The following DGKB variants were observed in gnomAD, a reference collection of about 807,000 sequenced individuals.
DGKB encodes 90 kDa diacylglycerol kinase.
DGKB carries 67 observed loss-of-function variants against 114.3 expected under a neutral mutation model. The ratio of observed to expected loss-of-function variants is 0.59; its 90% CI spans 0.48 to 0.72. The LOEUF (loss-of-function observed/expected upper bound fraction) is 0.72, where lower values mean the gene tolerates loss of function less well. Among genes scored for constraint, DGKB ranks in the 30% least tolerant of loss-of-function variants. The probability of loss-of-function intolerance (pLI) is 0.00; values close to 1 mark genes in which losing one functional copy is unlikely to be tolerated. For missense variants in DGKB, 907 were observed against 975.2 expected (o/e 0.93, Z 0.93); for synonymous variants, 398 against 323.1 (o/e 1.23, Z -2.49).
At chr7:14,583,196 T>C (rs975199066) in intron 17 of DGKB, 59 bp from the exon 18 acceptor site, 3 of 1,018,436 alleles carry the variant, frequency 2.9e-6, no homozygotes, top group Middle Eastern at 2.1e-4. Context: ...ATGTTTTCAG[T>C]TTTGTATCAT....
At chr7:14,243,427 T>G (rs1793972891) in intron 23 of DGKB, among the ~76,000 whole-genome samples, 2 of 152,236 alleles carry the variant, frequency 1.3e-5, no homozygotes, top group African/African-American at 4.8e-5. Context: ...AAAAAATTCC[T>G]AGAACCATAT....
At chr7:14,868,843 G>A (rs1239016511) in intron 1 of DGKB, among the ~76,000 whole-genome samples, 1 of 152,048 alleles carries the variant, frequency 6.6e-6, no homozygotes, top group Non-Finnish European at 1.5e-5. Context: ...AGCAGATTCT[G>A]TTGCATATTT....
At chr7:14,623,657 G>C (rs1240613389) in intron 14 of DGKB, among the ~76,000 whole-genome samples, 2 of 152,120 alleles carry the variant, frequency 1.3e-5, no homozygotes, top group African/African-American at 4.8e-5. Flanking sequence ...GTGTGTGGCT[G>C]AAAATGGATG....
At chr7:14,162,411 T>TGATAAA (rs1784038467) in intron 25 of DGKB, among the ~76,000 whole-genome samples, 1 of 152,294 alleles carries the variant, frequency 6.6e-6, no homozygotes, top group South Asian at 2.1e-4. Context: ...GATAAGTACA[T>TGATAAA]ACAGTTTTAT....
intron 5 of DGKB, among the ~76,000 whole-genome samples, chr7:14,728,058 A>T (rs947144349): frequency 6.6e-6 from 1 of 152,170 alleles, no homozygotes; most frequent in African/African-American, 2.4e-5. Flanking sequence ...ACTCAAATGC[A>T]CAGAAAACAT....
chr7:14,237,731 A>G (rs751741598), intron 23 of DGKB, among the ~76,000 whole-genome samples: 7 of 151,998 alleles, frequency 4.6e-5, no homozygotes, highest in Non-Finnish European at 1.0e-4. Flanking sequence ...GCTAAAATGC[A>G]TTGTTATCTT....
intron 20 of DGKB, among the ~76,000 whole-genome samples, chr7:14,552,723 T>C (rs959945470): frequency 2.5e-4 from 38 of 152,236 alleles, no homozygotes; most frequent in African/African-American, 8.2e-4. Context: ...GGAATCTGTT[T>C]TCCTTTCTCT....
chr7:14,425,538 A>G (rs1563157866), intron 21 of DGKB, among the ~76,000 whole-genome samples: 1 of 152,182 alleles, frequency 6.6e-6, no homozygotes, highest in African/African-American at 2.4e-5. Context: ...ACCTCAAGCT[A>G]CTACTGGAAC....
intron 23 of DGKB, among the ~76,000 whole-genome samples, chr7:14,291,141 T>C (rs1168214298): frequency 1.1e-4 from 1 of 8,772 alleles, no homozygotes; most frequent in African/African-American, 1.1e-3. Flanking sequence ...AAACTCCGTC[T>C]CAAAAAAAAA....
At chr7:14,738,374 A>G (rs545960944) in intron 4 of DGKB, among the ~76,000 whole-genome samples, 9 of 152,212 alleles carry the variant, frequency 5.9e-5, no homozygotes, top group African/African-American at 1.4e-4. Context: ...GTTTAGCAAC[A>G]TAACAGATGA....
chr7:14,243,835 C>T (rs1408248523), intron 23 of DGKB, among the ~76,000 whole-genome samples: 2 of 151,682 alleles, frequency 1.3e-5, no homozygotes, highest in Admixed American at 6.5e-5. Flanking sequence ...TCTATTTCTA[C>T]AGCCATTGTC....
At chr7:14,772,131 C>T (rs1837513778) in intron 2 of DGKB, among the ~76,000 whole-genome samples, 1 of 152,068 alleles carries the variant, frequency 6.6e-6, no homozygotes, top group Non-Finnish European at 1.5e-5. Flanking sequence ...CTCATGCCTC[C>T]CTAAAAATAT....
In DGKB at chr7:14,685,289, A is replaced by G; in HGVS notation, c.785T>C (p.Leu262Pro). The G allele has an allele frequency of 6.2e-7, 1 of 1,613,868 alleles. No individual in the cohort carries two copies. The highest frequency in any genetic ancestry group is 8.5e-7 in the Non-Finnish European group (1 of 1,179,772). ...FNKPAYCNLC[L>P]NMLIGVGKQG... ...CTTCCCCACGCCAATCAGCATGTTC[A>G]GGCAAAGGTTGCAATAGGCAGGTTT... The change falls in exon 10 of 26, where the codon CTG (leucine) becomes CCG (proline). Residue 262 changes from leucine to proline, a missense_variant. This residue lies in a region of DGKB where 814 missense variants were observed against 856.6 expected (regional missense o/e 0.95). Coordinates refer to ENST00000402815, the MANE Select transcript of DGKB (RefSeq NM_001350709.2).
intron 21 of DGKB, among the ~76,000 whole-genome samples, chr7:14,452,194 T>C (rs1164310914): frequency 1.3e-5 from 2 of 151,996 alleles, no homozygotes; most frequent in East Asian, 3.9e-4. Context: ...CAAGAGCAAA[T>C]AAAATAATTT....
At chr7:14,878,349 C>A (rs1853631133) in intron 1 of DGKB, among the ~76,000 whole-genome samples, 2 of 152,166 alleles carry the variant, frequency 1.3e-5, no homozygotes. Flanking sequence ...CTTTAAAAGA[C>A]TGTCAGCAGC....
chr7:14,430,480 T>C (rs1828293404), intron 21 of DGKB, among the ~76,000 whole-genome samples: 1 of 152,180 alleles, frequency 6.6e-6, no homozygotes, highest in Admixed American at 6.5e-5. Flanking sequence ...ATTAATTTTA[T>C]CCAGGAAAAA....
At chr7:14,593,828 G>GA (rs375282695) in intron 17 of DGKB, among the ~76,000 whole-genome samples, 1 of 149,766 alleles carries the variant, frequency 6.7e-6, no homozygotes, top group South Asian at 2.1e-4. Flanking sequence ...GTTAAAAAAA[G>GA]AAAAAAACAA....
intron 2 of DGKB, among the ~76,000 whole-genome samples, chr7:14,805,174 G>C (rs1055783370): frequency 1.3e-5 from 2 of 152,012 alleles, no homozygotes; most frequent in Non-Finnish European, 2.9e-5. Context: ...TTAGTGAATT[G>C]CTATTTCCAG....
At chr7:14,264,008 C>G (rs1797149732) in intron 23 of DGKB, among the ~76,000 whole-genome samples, 1 of 152,042 alleles carries the variant, frequency 6.6e-6, no homozygotes, top group Admixed American at 6.6e-5. Context: ...GGGAGAGCCT[C>G]TGTGGTTTGA....
Sources: gnomAD v4.1 joint callset for allele counts (sites outside exome capture counted in the v4.1 genomes callset) on GRCh38, gnomAD v4.1.1 for gene constraint, gnomAD v4.1.1 regional missense constraint, MANE v1.5 for transcripts, NCBI Gene and HGNC (gene_info 2026-07-23, HGNC 2026-07-21) for gene names.